THRA: variants seen among roughly 807,000 people sequenced by gnomAD.
THRA encodes the protein EAR-7.
In THRA, 13 loss-of-function variants were observed where a neutral mutation model predicts 45.0. The observed-to-expected ratio is 0.29, with a 90% confidence interval of 0.19 to 0.46. The LOEUF (loss-of-function observed/expected upper bound fraction) is 0.46. Ranked by LOEUF, THRA falls within the 20% of genes least tolerant of loss-of-function variation. The probability of loss-of-function intolerance (pLI) is 1.00; values close to 1 mark genes in which losing one functional copy is unlikely to be tolerated. For synonymous variants in THRA, 195 were observed against 214.0 expected, an observed-to-expected ratio of 0.91 and a Z score of 0.78; for missense variants, 278 against 556.1, an observed-to-expected ratio of 0.50 and a Z score of 5.03.
chr17:40,089,510 AGG>A lies in THRA; in HGVS notation c.*57_*58del. ...GCTGGTGGGGAGGAGCCTGGAGAGA[AGG>A]GGCAGAGCTGGGGGCTGAGGGAGAC... On this transcript the variant is annotated 3_prime_UTR_variant, in exon 9 of 9. Coordinates refer to ENST00000450525, the MANE Select transcript of THRA (RefSeq NM_199334.5). The surrounding 1 kb of genome is among the most constrained non-coding windows in gnomAD (Gnocchi z 6.1). The A allele has an allele frequency of 6.3e-7, 1 of 1,593,778 alleles. No homozygotes were observed. The highest frequency in any genetic ancestry group is 1.1e-5 in the South Asian group (1 of 88,138).
At chr17:40,077,259 C>T (rs1207946271) in intron 3 of THRA, among the ~76,000 whole-genome samples, 1 of 152,202 alleles carries the variant, frequency 6.6e-6, no homozygotes, top group African/African-American at 2.4e-5. Context: ...TTTCCCTCTC[C>T]ACCATCCTCT....
At chr17:40,068,512 G>A (rs1436333513) in intron 1 of THRA, among the ~76,000 whole-genome samples, 2 of 152,256 alleles carry the variant, frequency 1.3e-5, no homozygotes, top group Admixed American at 6.5e-5. Context: ...TGGGGTCATA[G>A]GGACCTCCCT....
At chr17:40,077,083 G>T in intron 3 of THRA, 145 bp downstream of exon 3, 1 of 826,140 alleles carries the variant, frequency 1.2e-6, no homozygotes, top group Non-Finnish European at 1.9e-6. Flanking sequence ...CTTGTCTGGG[G>T]GTGAGAAAGG....
chr17:40,083,087 C>T lies in THRA; in HGVS notation c.223-748C>T, dbSNP rs541545497. Among the ~76,000 whole-genome samples, 30 of 152,158 alleles carry T rather than the reference C, an allele frequency of 2.0e-4. No individual in the cohort carries two copies. The East Asian group carries it at 4.5e-3, about 23-fold the overall frequency. On this transcript the variant is annotated intron_variant, in intron 4 of 8. Coordinates refer to ENST00000450525, the MANE Select transcript of THRA (RefSeq NM_199334.5). Reference sequence around the variant, plus strand: ...GGACTACAGCGCCCACCACCATGCCCGGCTATTTTTTTTGTATTTTTAGTA... The same window carrying T: ...GGACTACAGCGCCCACCACCATGCCTGGCTATTTTTTTTGTATTTTTAGTA...
intron 1 of THRA, among the ~76,000 whole-genome samples, chr17:40,072,655 A>G (rs1033864357): frequency 6.6e-6 from 1 of 151,918 alleles, no homozygotes; most frequent in Non-Finnish European, 1.5e-5. Flanking sequence ...ATCGTCCTCT[A>G]TTGTCCAGCC....
chr17:40,070,537 T>C (rs1482015276), intron 1 of THRA, among the ~76,000 whole-genome samples: 1 of 152,132 alleles, frequency 6.6e-6, no homozygotes, highest in Non-Finnish European at 1.5e-5. Context: ...CGTGTTGGCA[T>C]GGGGGGCAGT....
downstream of THRA, chr17:40,093,298 C>G: frequency 6.2e-7 from 1 of 1,613,562 alleles, no homozygotes; most frequent in Non-Finnish European, 8.5e-7. This position sits in a 1 kb window ranked among gnomAD's most constrained non-coding sequence, Gnocchi z 5.9. Flanking sequence ...GGGAAGACGA[C>G]AGCAGTGAGG....
chr17:40,093,394 A>C (rs183606997), downstream of THRA: 78 of 1,606,780 alleles, frequency 4.9e-5, no homozygotes, highest in Admixed American at 1.3e-3. This position sits in a 1 kb window ranked among gnomAD's most constrained non-coding sequence, Gnocchi z 5.9. Flanking sequence ...GCCCCCCAGA[A>C]GGCCGATGGG....
downstream of THRA, chr17:40,093,127 T>G (rs1987648801): frequency 6.2e-7 from 1 of 1,613,808 alleles, no homozygotes; most frequent in Non-Finnish European, 8.5e-7. The surrounding 1 kb of genome is among the most constrained non-coding windows in gnomAD (Gnocchi z 5.9). Context: ...TCGGAATGCA[T>G]GTTGTTCAGG....
At position 40,089,187 on chromosome 17, in the gene THRA, C is replaced by T. The variant is rs374210791; in HGVS notation, c.983-19C>T. On this transcript the variant is annotated intron_variant, in intron 8 of 8. Coordinates refer to ENST00000450525, the MANE Select transcript of THRA (RefSeq NM_199334.5). This position sits in a 1 kb window ranked among gnomAD's most constrained non-coding sequence, Gnocchi z 6.1. The stretch of plus-strand genomic sequence containing the variant: ...CCTTCGGCCAGCCCCTCGCCCCTCA[C>T]GCCCCTCTTCCCTCACAGACCGCTC... The T allele has an allele frequency of 3.0e-5, 48 of 1,611,798 alleles. No individual in the cohort carries two copies. Among genetic ancestry groups the T allele is most frequent in the Admixed American group, 2.8e-4 (17 of 59,976 alleles).
At chr17:40,078,824 C>T (rs756941111) in intron 4 of THRA, among the ~76,000 whole-genome samples, 1 of 149,398 alleles carries the variant, frequency 6.7e-6, no homozygotes, top group Non-Finnish European at 1.5e-5. Flanking sequence ...CTTCGCCTCC[C>T]GGGTTCAAGC....
downstream of THRA, chr17:40,093,353 G>T (rs1987663134): frequency 1.2e-6 from 2 of 1,612,444 alleles, no homozygotes; most frequent in Admixed American, 1.7e-5. The surrounding 1 kb of genome is among the most constrained non-coding windows in gnomAD (Gnocchi z 5.9). Context: ...GGTCTGCGAG[G>T]ACCTGGCAGG....
At position 40,083,897 on chromosome 17, in the gene THRA, C is replaced by T; in HGVS notation, c.285C>T (p.Ser95=). ...CCACCTATTCCTGCAAATATGACAG[C>T]TGCTGTGTCATTGACAAGATCACCC... ...LHPTYSCKYD[S]CCVIDKITRN... is the part of the protein sequence containing the mutation. The change falls in exon 5 of 9, where the codon AGC becomes AGT. Residue 95 remains serine (S), a synonymous_variant. Coordinates refer to ENST00000450525, the MANE Select transcript of THRA (RefSeq NM_199334.5). 1 of 1,614,076 alleles carries T rather than the reference C, an allele frequency of 6.2e-7. No homozygotes were observed. The highest frequency in any genetic ancestry group is 8.5e-7 in the Non-Finnish European group (1 of 1,179,954).
chr17:40,072,743 G>T (rs1457432684), intron 1 of THRA, among the ~76,000 whole-genome samples: 3 of 151,958 alleles, frequency 2.0e-5, no homozygotes, highest in Non-Finnish European at 4.4e-5. Flanking sequence ...CAGCCCCTGG[G>T]CTTCCCCACC....
rs765041329 is a variant in THRA at position 40,088,259 on chromosome 17, G to A, written c.741G>A (p.Gln247=). ...CTCCACAGCTGCCTTGCGAAGACCA[G>A]ATCATCCTCCTGAAGGGGTGCTGCA... ...PMFSELPCED[Q]IILLKGCCME... is the part of the protein sequence containing the mutation. The change falls in exon 8 of 9, where the codon CAG becomes CAA. Residue 247 remains glutamine (Q), a synonymous_variant. Coordinates refer to ENST00000450525, the MANE Select transcript of THRA (RefSeq NM_199334.5). 8 of 1,596,220 alleles carry A rather than the reference G, an allele frequency of 5.0e-6. No homozygotes were observed. Among genetic ancestry groups the A allele is most frequent in the Non-Finnish European group, 6.8e-6 (8 of 1,169,144 alleles).
chr17:40,089,685 G>C lies in THRA; in HGVS notation c.*229G>C, dbSNP rs1395902566. 1 of 1,387,920 alleles carries C rather than the reference G, an allele frequency of 7.2e-7. No individual in the cohort carries two copies. The highest frequency in any genetic ancestry group is 9.4e-7 in the Non-Finnish European group (1 of 1,069,488). The allele number at this position is 1,387,920 out of a possible 1,614,324, so 86.0% of individuals were successfully genotyped here. ...TGCTATGGAAAGGACAGTGTGGGAGGCTGGGGGAGCTGTGTCCTGCAGTTC... is the reference window on the plus strand; with the variant it reads ...TGCTATGGAAAGGACAGTGTGGGAGCCTGGGGGAGCTGTGTCCTGCAGTTC... On this transcript the variant is annotated 3_prime_UTR_variant, in exon 9 of 9. Transcript: ENST00000450525. This position sits in a 1 kb window ranked among gnomAD's most constrained non-coding sequence, Gnocchi z 6.1.
rs1020095631 is a variant in THRA at position 40,092,030 on chromosome 17, G to A, written c.*2574G>A. 6.6e-6 allele frequency: 1 copy of A among 152,592 alleles called. No homozygotes were observed. The allele number at this position is 152,592 out of a possible 1,614,324, so 9.5% of individuals were successfully genotyped here. ...AGGTGCAGTATCGGTGGGAGGACGGGTTGCTGGGAATAGGACGAGGGGGCC... is the reference window on the plus strand; with the variant it reads ...AGGTGCAGTATCGGTGGGAGGACGGATTGCTGGGAATAGGACGAGGGGGCC... On this transcript the variant is annotated 3_prime_UTR_variant, in exon 9 of 9. Coordinates refer to ENST00000450525, the MANE Select transcript of THRA (RefSeq NM_199334.5).
intron 1 of THRA, among the ~76,000 whole-genome samples, chr17:40,070,868 C>G (rs1212115409): frequency 2.6e-5 from 4 of 151,690 alleles, no homozygotes; most frequent in Admixed American, 6.6e-5. Flanking sequence ...CGAAGCCCCC[C>G]ACCCATCTTT....
rs947942941 is a variant in THRA, at chr17:40,091,632, A to G, written c.*2176A>G. On this transcript the variant is annotated 3_prime_UTR_variant, in exon 9 of 9. Transcript: ENST00000450525. Reference sequence around the variant, plus strand: ...CCCCATTCTCAGCCATGGACACGGCAGAGAAAAGGCCTTGAAGAGCCTTAG... The same window carrying G: ...CCCCATTCTCAGCCATGGACACGGCGGAGAAAAGGCCTTGAAGAGCCTTAG... 2.9e-5 allele frequency: 4 copies of G among 139,558 alleles called. No individual in the cohort carries two copies. Among genetic ancestry groups the G allele is most frequent in the African/African-American group, 8.1e-5 (3 of 37,242 alleles). 8.6% of individuals were successfully genotyped at this position (139,558 alleles called of 1,614,324 possible).
Sources: allele counts gnomAD v4.1 joint callset (sites outside exome capture counted in the v4.1 genomes callset), GRCh38; gene constraint gnomAD v4.1.1; non-coding constraint Gnocchi (gnomAD v3.1); transcripts MANE v1.5; gene names NCBI Gene and HGNC (gene_info 2026-07-23, HGNC 2026-07-21).